OR7C1: variants seen among roughly 807,000 people sequenced by gnomAD.
OR7C1 encodes the protein olfactory receptor 7C1.
For missense variants in OR7C1, 324 were observed against 383.3 expected (o/e 0.85, Z 1.29); for synonymous variants, 152 against 160.7 (o/e 0.95, Z 0.41).
At chr19:14,808,621 A>G (rs2044676830) in intron 2 of OR7C1, among the ~76,000 whole-genome samples, 1 of 142,918 alleles carries the variant, frequency 7.0e-6, no homozygotes. Context: ...AGACTCCAAA[A>G]AGTGGGAGGG....
rs2044682528 is a variant in OR7C1 at position 14,809,793 on chromosome 19, C to T, written c.-435+13G>A. On this transcript the variant is annotated intron_variant, in intron 2 of 4. Coordinates refer to ENST00000641666, the Ensembl canonical transcript of OR7C1. ...CTTTTCTTCCCTCCACAAAACTTTC[C>T]CACAGTACTTACGGGTTTACTCTGG... 1 of 152,150 alleles carries T rather than the reference C, an allele frequency of 6.6e-6. No individual in the cohort carries two copies. The highest frequency in any genetic ancestry group is 1.5e-5 in the Non-Finnish European group (1 of 68,232). The allele number at this position is 152,150 out of a possible 1,614,324, so 9.4% of individuals were successfully genotyped here.
intron 1 of OR7C1, among the ~76,000 whole-genome samples, chr19:14,834,712 A>G (rs2044868048): frequency 6.6e-6 from 1 of 152,198 alleles, no homozygotes; most frequent in African/African-American, 2.4e-5. Flanking sequence ...ATGTCTTTAC[A>G]TGACTGTATA....
chr19:14,827,492 T>C lies in OR7C1; in HGVS notation c.-623+7582A>G, dbSNP rs761636906. The C allele has an allele frequency of 4.3e-6, 7 of 1,613,880 alleles. No homozygotes were observed. In the African/African-American group the frequency reaches 9.4e-5, roughly 22 times the overall value. On this transcript the variant is annotated intron_variant, in intron 1 of 4. Coordinates refer to ENST00000641666, the Ensembl canonical transcript of OR7C1. ...ACACCCCTAGGATTGCACCATAAAA[T>C]AAGGAGACAACTGAGAGGTGAGATG...
chr19:14,833,492 A>G (rs2044854366), intron 1 of OR7C1, among the ~76,000 whole-genome samples: 2 of 152,214 alleles, frequency 1.3e-5, no homozygotes, highest in Non-Finnish European at 2.9e-5. Context: ...AAAAAAGTAA[A>G]CAATGCCTTT....
At chr19:14,828,316 A>G in intron 1 of OR7C1, 1 of 1,431,598 alleles carries the variant, frequency 7.0e-7, no homozygotes, top group Non-Finnish European at 9.5e-7. Flanking sequence ...ACCTTTCAGA[A>G]ATACCATCAT....
chr19:14,813,718 G>C (rs1035267934), intron 1 of OR7C1, among the ~76,000 whole-genome samples: 2 of 151,930 alleles, frequency 1.3e-5, no homozygotes, highest in Non-Finnish European at 2.9e-5. Context: ...GAGAGAGAAG[G>C]GGGGCGTGCC....
intron 1 of OR7C1, among the ~76,000 whole-genome samples, chr19:14,810,693 G>A (rs1664948790): frequency 6.6e-6 from 1 of 151,734 alleles, no homozygotes; most frequent in Admixed American, 6.6e-5. Flanking sequence ...CCCGAAATGA[G>A]CTCTTAACTG....
intron 1 of OR7C1, chr19:14,828,154 GC>G (rs1416505894): frequency 6.2e-7 from 1 of 1,614,046 alleles, no homozygotes; most frequent in East Asian, 2.2e-5. Context: ...GACAGGAACA[GC>G]CCAAAGAGGA....
At chr19:14,827,593 A>T (rs1162345067) in intron 1 of OR7C1, 1 of 1,614,194 alleles carries the variant, frequency 6.2e-7, no homozygotes, top group South Asian at 1.1e-5. Context: ...TTAGAGTAAG[A>T]GTAAAGGATC....
At chr19:14,800,972 C>T (rs980455765) in intron 2 of OR7C1, among the ~76,000 whole-genome samples, 4 of 152,196 alleles carry the variant, frequency 2.6e-5, no homozygotes, top group African/African-American at 4.8e-5. Flanking sequence ...AGAGGTGTTT[C>T]TCTTTTTCTT....
chr19:14,828,561 C>G (rs1358698583), intron 1 of OR7C1, among the ~76,000 whole-genome samples: 1 of 151,890 alleles, frequency 6.6e-6, no homozygotes, highest in Non-Finnish European at 1.5e-5. Flanking sequence ...GAGGTTGAGA[C>G]CATCCTGGCC....
intron 1 of OR7C1, among the ~76,000 whole-genome samples, chr19:14,810,564 T>C (rs1424241697): frequency 2.7e-5 from 4 of 148,852 alleles, no homozygotes; most frequent in African/African-American, 5.0e-5. Context: ...TTTTTTTTTT[T>C]ATAGTGGAGA....
At chr19:14,807,845 G>A (rs956660157) in intron 2 of OR7C1, among the ~76,000 whole-genome samples, 1 of 151,220 alleles carries the variant, frequency 6.6e-6, no homozygotes, top group African/African-American at 2.4e-5. Flanking sequence ...GCAGTGAGCC[G>A]AGATTGTGCC....
chr19:14,799,530 T>C (rs766129959), exon 5 of OR7C1: 2 of 1,614,152 alleles, frequency 1.2e-6, no homozygotes, highest in Non-Finnish European at 1.7e-6. Context: ...AGGACGCCAG[T>C]TGCAAAGTAT....
intron 1 of OR7C1, among the ~76,000 whole-genome samples, chr19:14,823,814 G>A (rs1773589416): frequency 6.6e-6 from 1 of 151,566 alleles, no homozygotes; most frequent in Admixed American, 6.6e-5. Flanking sequence ...TGTATATGGT[G>A]TGAAATGAGG....
At chr19:14,803,576 A>T (rs1291939188) in intron 2 of OR7C1, among the ~76,000 whole-genome samples, 1 of 152,070 alleles carries the variant, frequency 6.6e-6, no homozygotes, top group Non-Finnish European at 1.5e-5. Flanking sequence ...CAGCTTGATT[A>T]TCTATATCTG....
chr19:14,802,657 A>G (rs1326246494), intron 2 of OR7C1, among the ~76,000 whole-genome samples: 1 of 152,246 alleles, frequency 6.6e-6, no homozygotes, highest in Non-Finnish European at 1.5e-5. Flanking sequence ...ACTATCCACA[A>G]GTGTCTGGGG....
Position 14,806,620 on chromosome 19 carries a change from T to C in OR7C1, c.-435+3186A>G, listed in dbSNP as rs373882029. On this transcript the variant is annotated intron_variant, in intron 2 of 4. Transcript: ENST00000641666. ...TCATTGTTCAGATCCCACTTATGAG[T>C]GAGAACATGAGGTGTTTGGTTTTCC... 9.5e-4 allele frequency among the ~76,000 whole-genome samples: 145 copies of C among 151,980 alleles called. 1 individual carries two copies. In the South Asian group the frequency reaches 0.03, roughly 31 times the overall value.
chr19:14,826,810 T>A lies in OR7C1; in HGVS notation c.-623+8264A>T, dbSNP rs147849163. ...ATGTCCTAATGAGGACAACACAATC[T>A]CATGACCAGCTGCAAAATACACAAG... On this transcript the variant is annotated intron_variant, in intron 1 of 4. Transcript: ENST00000641666. 278 of 153,550 alleles carry A rather than the reference T, an allele frequency of 1.8e-3. 1 individual carries two copies. Among genetic ancestry groups the A allele is most frequent in the Non-Finnish European group, 3.2e-3 (222 of 69,014 alleles). 9.5% of individuals were successfully genotyped at this position (153,550 alleles called of 1,614,324 possible).
Sources: gnomAD v4.1 joint callset for allele counts (sites outside exome capture counted in the v4.1 genomes callset) on GRCh38, gnomAD v4.1.1 for gene constraint, MANE v1.5 for transcripts, NCBI Gene and HGNC (gene_info 2026-07-23, HGNC 2026-07-21) for gene names.